Variants in NRG3 observed in about 807,000 individuals in gnomAD.
The protein encoded by NRG3 is pro-neuregulin-3, membrane-bound isoform.
Under a neutral mutation model 66.9 loss-of-function variants are expected in NRG3, and 31 were observed. That is an observed-to-expected ratio of 0.46 (90% CI 0.35 to 0.63). The LOEUF (loss-of-function observed/expected upper bound fraction) is 0.63. NRG3 is among the 20% of genes least tolerant of loss of function. The probability of loss-of-function intolerance (pLI) is 0.00; values close to 1 mark genes in which losing one functional copy is unlikely to be tolerated. For missense variants in NRG3, 910 were observed against 878.9 expected (o/e 1.04, Z -0.45); for synonymous variants, 393 against 359.4 (o/e 1.09, Z -1.06).
intron 2 of NRG3, among the ~76,000 whole-genome samples, chr10:82,653,511 T>C (rs1161433443): frequency 6.6e-6 from 1 of 151,916 alleles, no homozygotes; most frequent in Non-Finnish European, 1.5e-5. Context: ...CAAGAGAAAA[T>C]GAAAGAACTT....
chr10:82,373,438 G>A (rs1361140459), intron 2 of NRG3, among the ~76,000 whole-genome samples: 1 of 152,166 alleles, frequency 6.6e-6, no homozygotes. Context: ...TGTGCTTAGA[G>A]CCTGGCCTCC....
In NRG3 at chr10:81,963,930, T is replaced by G. The variant is rs191989856; in HGVS notation, c.823+87767T>G. On this transcript the variant is annotated intron_variant, in intron 1 of 8. Transcript: ENST00000372141. Reference sequence around the variant, plus strand: ...AGGAAGTATTAATCACTGTTTCATCTGTGTTTTCGTAGCATTTGGGTTATT... The same window carrying G: ...AGGAAGTATTAATCACTGTTTCATCGGTGTTTTCGTAGCATTTGGGTTATT... Among the ~76,000 whole-genome samples the G allele has an allele frequency of 2.0e-4, 30 of 152,356 alleles. 2 individuals are homozygous for G. The highest frequency in any genetic ancestry group is 6.5e-4 in the African/African-American group (27 of 41,592).
chr10:82,839,245 C>A (rs886740589), intron 3 of NRG3, among the ~76,000 whole-genome samples: 1 of 152,050 alleles, frequency 6.6e-6, no homozygotes, highest in African/African-American at 2.4e-5. Context: ...TTACCATTTT[C>A]TTAAAATGGT....
chr10:82,758,230 A>G (rs1179972724), intron 3 of NRG3, among the ~76,000 whole-genome samples: 2 of 152,112 alleles, frequency 1.3e-5, no homozygotes, highest in Non-Finnish European at 2.9e-5. Flanking sequence ...TGTAATGCTC[A>G]GTGTTGGGCA....
intron 2 of NRG3, among the ~76,000 whole-genome samples, chr10:82,359,780 G>A (rs1376375424): frequency 6.6e-6 from 1 of 151,982 alleles, no homozygotes; most frequent in Non-Finnish European, 1.5e-5. Flanking sequence ...TCTGAATAGT[G>A]AGGCATGGAA....
At position 81,875,697 on chromosome 10, in the gene NRG3, C is replaced by T. The variant is rs1381490434; in HGVS notation, c.357C>T (p.Ser119=). The T allele has an allele frequency of 4.3e-6, 7 of 1,613,750 alleles. No individual in the cohort carries two copies. Among genetic ancestry groups the T allele is most frequent in the Non-Finnish European group, 3.4e-6 (4 of 1,179,994 alleles). The change falls in exon 1 of 9, where the codon AGC becomes AGT. Residue 119 remains serine, a synonymous_variant. Transcript: ENST00000372141. This position sits in a 1 kb window ranked among gnomAD's most constrained non-coding sequence, Gnocchi z 5.3. The part of the protein sequence containing the change: ...GQDPFFLSKP[S]SFPKAMETTT... ...ACCCCTTCTTCCTCTCCAAGCCCAG[C>T]TCTTTCCCCAAGGCCATGGAGACCA...
At chr10:82,310,062 G>T (rs915278940) in intron 1 of NRG3, among the ~76,000 whole-genome samples, 1 of 151,940 alleles carries the variant, frequency 6.6e-6, no homozygotes, top group Admixed American at 6.6e-5. Flanking sequence ...GAAAATTGCC[G>T]TCATTCCCTT....
At chr10:81,958,692 C>G (rs1035007019) in intron 1 of NRG3, among the ~76,000 whole-genome samples, 2 of 152,124 alleles carry the variant, frequency 1.3e-5, no homozygotes, top group African/African-American at 4.8e-5. Context: ...GAGTTTGAGA[C>G]CAGCCTGGCC....
intron 2 of NRG3, among the ~76,000 whole-genome samples, chr10:82,450,856 T>C (rs1443144284): frequency 2.0e-5 from 3 of 152,344 alleles, no homozygotes; most frequent in Middle Eastern, 3.4e-3. Context: ...CTGCCACAAC[T>C]GAAGGCTTTG....
chr10:82,964,639 A>G (rs1851027137), intron 6 of NRG3, among the ~76,000 whole-genome samples: 1 of 152,164 alleles, frequency 6.6e-6, no homozygotes, highest in African/African-American at 2.4e-5. Context: ...TGTAACTATC[A>G]ATTTCCCCAT....
chr10:82,675,844 C>G (rs534444502), intron 2 of NRG3, among the ~76,000 whole-genome samples: 19 of 152,206 alleles, frequency 1.2e-4, no homozygotes, highest in Non-Finnish European at 2.6e-4. Context: ...TTCTAGTACT[C>G]TATCTGGGAT....
At chr10:82,028,067 T>C (rs2062397409) in intron 1 of NRG3, among the ~76,000 whole-genome samples, 1 of 152,180 alleles carries the variant, frequency 6.6e-6, no homozygotes, top group African/African-American at 2.4e-5. Context: ...CTCATATGAG[T>C]AGTAGTAAGT....
chr10:82,878,512 T>TATCCTTA (rs1842028481), intron 4 of NRG3, among the ~76,000 whole-genome samples: 1 of 152,194 alleles, frequency 6.6e-6, no homozygotes, highest in Non-Finnish European at 1.5e-5. Flanking sequence ...AGGATAAATT[T>TATCCTTA]TCATTTAGTC....
rs12242423 is a variant in NRG3, at chr10:82,203,638, A to C, written c.824-155101A>C. Among the ~76,000 whole-genome samples the C allele has an allele frequency of 7.3e-3, 1,110 of 152,290 alleles. 10 individuals carry two copies. The highest frequency in any genetic ancestry group is 0.025 in the African/African-American group (1,056 of 41,546). On this transcript the variant is annotated intron_variant, in intron 1 of 8. Coordinates refer to ENST00000372141, the MANE Select transcript of NRG3 (RefSeq NM_001010848.4). ...ACTATCATAAGACATATAAAATTAGAATGCAAAATTAGTACATTATAATAA... is the reference window on the plus strand; with the variant it reads ...ACTATCATAAGACATATAAAATTAGCATGCAAAATTAGTACATTATAATAA...
At chr10:82,651,094 G>A (rs934967081) in intron 2 of NRG3, among the ~76,000 whole-genome samples, 3 of 152,110 alleles carry the variant, frequency 2.0e-5, no homozygotes, top group Non-Finnish European at 4.4e-5. Context: ...GAGATAAAGA[G>A]GAAAAATGGT....
intron 2 of NRG3, among the ~76,000 whole-genome samples, chr10:82,660,174 C>T (rs1482070472): frequency 1.1e-5 from 1 of 87,804 alleles, no homozygotes; most frequent in Non-Finnish European, 2.1e-5. Context: ...CTAGTGTGGG[C>T]GACAAGAGCA....
chr10:82,591,722 C>T (rs1461324169), intron 2 of NRG3, among the ~76,000 whole-genome samples: 8 of 152,118 alleles, frequency 5.3e-5, no homozygotes, highest in African/African-American at 1.4e-4. Flanking sequence ...CTCACAAAAA[C>T]CTTCTGAAAA....
At chr10:82,177,861 C>T (rs2073147190) in intron 1 of NRG3, among the ~76,000 whole-genome samples, 2 of 152,124 alleles carry the variant, frequency 1.3e-5, no homozygotes, top group Admixed American at 1.3e-4. Flanking sequence ...AAAATCGGAA[C>T]AGACCTATAA....
At chr10:82,771,415 T>TG (rs2059707116) in intron 3 of NRG3, among the ~76,000 whole-genome samples, 2 of 152,150 alleles carry the variant, frequency 1.3e-5, no homozygotes, top group Admixed American at 1.3e-4. Context: ...TCATAGGTAC[T>TG]ATAGTTGCTG....
Sources: allele counts gnomAD v4.1 joint callset (sites outside exome capture counted in the v4.1 genomes callset), GRCh38; gene constraint gnomAD v4.1.1; non-coding constraint Gnocchi (gnomAD v3.1); transcripts MANE v1.5; gene names NCBI Gene and HGNC (gene_info 2026-07-23, HGNC 2026-07-21).